The following PRR5 variants were observed in gnomAD, a reference collection of about 807,000 sequenced individuals.
The protein encoded by PRR5 is proline rich 5, also known as proline-rich protein 5.
In PRR5, 25 loss-of-function variants were observed where a neutral mutation model predicts 30.6. The observed-to-expected ratio is 0.82, with a 90% CI of 0.60 to 1.14. PRR5 has a LOEUF of 1.14. Ranked by LOEUF, PRR5 falls within the 50% of genes most tolerant of loss-of-function variation. The probability of loss-of-function intolerance (pLI) is 0.00; values close to 1 mark genes in which losing one functional copy is unlikely to be tolerated. For missense variants in PRR5, 600 were observed against 547.1 expected, an observed-to-expected ratio of 1.10 and a Z score of -0.96; for synonymous variants, 286 against 247.1, an observed-to-expected ratio of 1.16 and a Z score of -1.48.
Position 44,737,340 on chromosome 22 carries a change from T to TCCCGTCCCGCCAGC in PRR5, c.*96_*109dup. 4 of 1,480,996 alleles carry TCCCGTCCCGCCAGC rather than the reference T, an allele frequency of 2.7e-6. No individual in the cohort carries two copies. Among genetic ancestry groups the TCCCGTCCCGCCAGC allele is most frequent in the Non-Finnish European group, 3.6e-6 (4 of 1,117,168 alleles). 91.7% of individuals were successfully genotyped at this position (1,480,996 alleles called of 1,614,324 possible). A position where few individuals can be genotyped will look rare whatever the true frequency, so the allele number is the denominator to read the frequency against. On this transcript the variant is annotated 3_prime_UTR_variant, in exon 8 of 8. Transcript: ENST00000336985. Reference sequence around the variant, plus strand: ...GTGTGAGTGAGACTTTTTTACTGCGTCCCGTCCCGCCAGCCCTATCGGCCT... The same window carrying TCCCGTCCCGCCAGC: ...GTGTGAGTGAGACTTTTTTACTGCGTCCCGTCCCGCCAGCCCCGTCCCGCCAGCCCTATCGGCCT...
At chr22:44,734,933 AC>A (rs1027200038) in intron 6 of PRR5, 93 bp from the exon 7 acceptor site, 251 of 1,450,688 alleles carry the variant, frequency 1.7e-4, no homozygotes, top group Non-Finnish European at 2.1e-4. Flanking sequence ...GAGGCAGAGG[AC>A]AGGCTGTCTG....
At chr22:44,727,388 C>T (rs985902517) in intron 4 of PRR5, among the ~76,000 whole-genome samples, 2 of 152,188 alleles carry the variant, frequency 1.3e-5, no homozygotes, top group African/African-American at 4.8e-5. Context: ...TTTGCTCGGG[C>T]TGTGCTGGGA....
upstream of PRR5, among the ~76,000 whole-genome samples, chr22:44,700,445 A>G (rs1291931841): frequency 2.0e-5 from 3 of 152,088 alleles, no homozygotes; most frequent in Non-Finnish European, 4.4e-5. Context: ...CACAGGCGAC[A>G]AGAGCGAAAC....
intron 3 of PRR5, 68 bp from the exon 4 acceptor site, chr22:44,726,509 G>C: frequency 1.2e-6 from 2 of 1,609,892 alleles, no homozygotes; most frequent in Non-Finnish European, 1.7e-6. Context: ...ACTCTCGGGG[G>C]CCCTGCTGGC....
chr22:44,736,511 C>T (rs1183395481), intron 7 of PRR5, among the ~76,000 whole-genome samples: 1 of 152,232 alleles, frequency 6.6e-6, no homozygotes, highest in African/African-American at 2.4e-5. Flanking sequence ...AAACAGAGGT[C>T]GCTGGCGGGG....
chr22:44,704,647 C>T (rs1458741216), intron 1 of PRR5, among the ~76,000 whole-genome samples: 1 of 152,038 alleles, frequency 6.6e-6, no homozygotes, highest in East Asian at 1.9e-4. Flanking sequence ...GTGCCAGGCC[C>T]CAGGCCAGCC....
intron 1 of PRR5, among the ~76,000 whole-genome samples, chr22:44,677,544 T>C (rs1923873343): frequency 1.3e-5 from 2 of 152,168 alleles, no homozygotes; most frequent in African/African-American, 4.8e-5. Flanking sequence ...TACTGCTGCA[T>C]GGGGTGGGAC....
chr22:44,706,179 A>G (rs767459050), intron 1 of PRR5, among the ~76,000 whole-genome samples: 42 of 152,322 alleles, frequency 2.8e-4, no homozygotes, highest in Middle Eastern at 3.4e-3. Flanking sequence ...CAGGTCCTTA[A>G]TTAAATACCG....
At position 44,729,212 on chromosome 22, in the gene PRR5, C is replaced by T. The variant is rs912284848; in HGVS notation, c.323-2518C>T. ...GCCTCGGCCGTCCCCGCGCCAGACA[C>T]CCTTGACCTGGTCCACCCAGCGCGT... On this transcript the variant is annotated intron_variant, in intron 4 of 7. Transcript: ENST00000336985. 1.8e-5 allele frequency: 15 copies of T among 812,298 alleles called. No homozygotes were observed. The South Asian group carries it at 2.2e-4, about 12-fold the overall frequency. The allele number at this position is 812,298 out of a possible 1,614,324, so 50.3% of individuals were successfully genotyped here. A position where few individuals can be genotyped will look rare whatever the true frequency, so the allele number is the denominator to read the frequency against.
chr22:44,736,975 C>T lies in PRR5; in HGVS notation c.895C>T (p.Pro299Ser), dbSNP rs769793784. 2.5e-5 allele frequency: 40 copies of T among 1,601,414 alleles called. No homozygotes were observed. In the Admixed American group the frequency reaches 6.5e-4, roughly 26 times the overall value. The change falls in exon 8 of 8, where the codon CCC (proline) becomes TCC (serine). Residue 299 changes from proline (P) to serine (S), a missense_variant. Coordinates refer to ENST00000336985, the MANE Select transcript of PRR5 (RefSeq NM_181333.4). ...CGAGCCTCAGGGCTTCTCCGACCCGCCCGGCCAGGGCCCCACCGGGACCTT... is the reference window on the plus strand; with the variant it reads ...CGAGCCTCAGGGCTTCTCCGACCCGTCCGGCCAGGGCCCCACCGGGACCTT... Reference protein sequence around the residue: ...CPEPQGFSDPPGQGPTGTFRS... With the variant: ...CPEPQGFSDPSGQGPTGTFRS...
rs61604082 is a variant in PRR5 at position 44,693,795 on chromosome 22, A to ATTTTTTTTTTTTTTTT, written c.-10-8692_-10-8677dup. On this transcript the variant is annotated intron_variant, in intron 1 of 8. Transcript: ENST00000006251. ...CAGGCGCCTGCCACCACACTCGGCT[A>ATTTTTTTTTTTTTTTT]TTTTTTTTTTTTTTTTTTTTGTATT... Among the ~76,000 whole-genome samples the ATTTTTTTTTTTTTTTT allele has an allele frequency of 3.8e-3, 299 of 79,580 alleles. 6 individuals carry two copies. The highest frequency in any genetic ancestry group is 4.4e-3 in the Non-Finnish European group (196 of 44,852). The allele number at this position is 79,580 out of a possible 152,430, so 52.2% of individuals were successfully genotyped here.
intron 7 of PRR5, 140 bp from the exon 8 acceptor site, chr22:44,736,632 A>T: frequency 7.2e-7 from 1 of 1,389,338 alleles, no homozygotes; most frequent in East Asian, 2.4e-5. Context: ...TGGCGGTGGG[A>T]CCTGCTGAGC....
chr22:44,703,856 C>T (rs535949792), intron 1 of PRR5, among the ~76,000 whole-genome samples: 1 of 152,104 alleles, frequency 6.6e-6, no homozygotes, highest in South Asian at 2.1e-4. Flanking sequence ...GCACTCCAGC[C>T]TCGGTGACAG....
At chr22:44,708,958 C>A (rs1927685863) in intron 1 of PRR5, among the ~76,000 whole-genome samples, 1 of 115,328 alleles carries the variant, frequency 8.7e-6, no homozygotes, top group South Asian at 2.9e-4. Flanking sequence ...CAGAGTGAGA[C>A]TCTGTCTCAA....
At chr22:44,722,014 T>C (rs1930009625) in intron 2 of PRR5, among the ~76,000 whole-genome samples, 1 of 151,948 alleles carries the variant, frequency 6.6e-6, no homozygotes, top group Admixed American at 6.6e-5. Flanking sequence ...GCTTGGTCCT[T>C]GGCGGACCAG....
upstream of PRR5, among the ~76,000 whole-genome samples, chr22:44,699,021 G>A (rs1220217696): frequency 6.6e-6 from 1 of 152,220 alleles, no homozygotes; most frequent in African/African-American, 2.4e-5. Context: ...CTGGCGCTGG[G>A]CTGTTGGGTG....
chr22:44,729,257 C>T (rs1318876054), intron 4 of PRR5: 4 of 911,732 alleles, frequency 4.4e-6, no homozygotes, highest in Admixed American at 6.2e-5. Context: ...CACTGCCCTG[C>T]GCTCCTCACT....
At position 44,726,528 on chromosome 22, in the gene PRR5, C is replaced by T. The variant is rs1296016024; in HGVS notation, c.265-49C>T. 5.0e-6 allele frequency: 8 copies of T among 1,613,052 alleles called. No individual in the cohort carries two copies. The South Asian group carries it at 8.8e-5, about 18-fold the overall frequency. On this transcript the variant is annotated intron_variant, in intron 3 of 7. Transcript: ENST00000336985. Reference sequence around the variant, plus strand: ...TCGGGGGCCCTGCTGGCCAGGACACCCCCGGGCATCCACAAGGGCGGTGAC... The same window carrying T: ...TCGGGGGCCCTGCTGGCCAGGACACTCCCGGGCATCCACAAGGGCGGTGAC...
At chr22:44,699,414 C>T (rs1181119945), upstream of PRR5, among the ~76,000 whole-genome samples, 2 of 152,258 alleles carry the variant, frequency 1.3e-5, no homozygotes, top group African/African-American at 4.8e-5. Context: ...CCATTTCATC[C>T]CATCCGGATC....
Sources: gnomAD v4.1 joint callset for allele counts (sites outside exome capture counted in the v4.1 genomes callset) on GRCh38, gnomAD v4.1.1 for gene constraint, MANE v1.5 for transcripts, NCBI Gene and HGNC (gene_info 2026-07-23, HGNC 2026-07-21) for gene names.